PTPRD: variants seen among roughly 807,000 people sequenced by gnomAD.
PTPRD encodes protein tyrosine phosphatase receptor type D, also known as receptor-type tyrosine-protein phosphatase delta.
PTPRD carries 34 observed loss-of-function variants against 214.5 expected under a neutral mutation model. That is an observed-to-expected ratio of 0.16 (90% CI 0.12 to 0.21). The LOEUF is 0.21. Ranked by LOEUF, PTPRD falls within the 10% of genes least tolerant of loss-of-function variation. PTPRD has a pLI of 1.00. For synonymous variants in PTPRD, 1,128 were observed against 845.7 expected (o/e 1.33, Z -5.79); for missense variants, 2,545 against 2,398.7 (o/e 1.06, Z -1.27).
chr9:8,390,799 G>GAATGC (rs2089262212), intron 36 of PTPRD, among the ~76,000 whole-genome samples: 1 of 152,154 alleles, frequency 6.6e-6, no homozygotes. Flanking sequence ...ATAAGAGAAA[G>GAATGC]AATGCATATT....
At chr9:8,508,587 G>C (rs1378749567) in intron 21 of PTPRD, among the ~76,000 whole-genome samples, 1 of 99,184 alleles carries the variant, frequency 1.0e-5, no homozygotes, top group South Asian at 2.7e-4. Flanking sequence ...AAGAAAAAAA[G>C]AGAACAATAA....
chr9:10,041,518 TTTTTA>T (rs1420073623), intron 3 of PTPRD, among the ~76,000 whole-genome samples: 1 of 151,864 alleles, frequency 6.6e-6, no homozygotes, highest in African/African-American at 2.4e-5. Context: ...TTCAATTTTT[TTTTTA>T]TTTTCTACTG....
intron 11 of PTPRD, among the ~76,000 whole-genome samples, chr9:8,768,735 A>G (rs1418237666): frequency 1.3e-5 from 2 of 152,168 alleles, no homozygotes; most frequent in African/African-American, 4.8e-5. Context: ...TTCCATAAAG[A>G]TATAGTCCAA....
chr9:9,506,473 A>T (rs369871677), intron 8 of PTPRD, among the ~76,000 whole-genome samples: 4 of 151,518 alleles, frequency 2.6e-5, no homozygotes, highest in African/African-American at 9.6e-5. Flanking sequence ...TTGTCCTTCC[A>T]GATTTATGAT....
intron 8 of PTPRD, among the ~76,000 whole-genome samples, chr9:9,461,796 T>C (rs1209216940): frequency 6.6e-6 from 1 of 152,140 alleles, no homozygotes; most frequent in Non-Finnish European, 1.5e-5. Context: ...AAACAGTAAA[T>C]GAACTGTGCA....
At chr9:9,032,547 G>T (rs1044898473) in intron 10 of PTPRD, among the ~76,000 whole-genome samples, 1 of 152,006 alleles carries the variant, frequency 6.6e-6, no homozygotes, top group Non-Finnish European at 1.5e-5. Context: ...CCCAAGGACT[G>T]CAGGCAATGT....
intron 3 of PTPRD, among the ~76,000 whole-genome samples, chr9:10,082,216 C>G (rs114943346): frequency 0.013 from 1,920 of 152,104 alleles, 31 homozygotes; most frequent in African/African-American, 0.044. Flanking sequence ...GAATAATAAA[C>G]GTTAAAGGAT....
chr9:10,611,344 A>C (rs2080915313), intron 2 of PTPRD, among the ~76,000 whole-genome samples: 1 of 152,162 alleles, frequency 6.6e-6, no homozygotes, highest in Non-Finnish European at 1.5e-5. Context: ...TTCAGAATCC[A>C]TTTGGCAGTG....
chr9:8,404,540 C>T lies in PTPRD; in HGVS notation c.4207G>A (p.Glu1403Lys). ...AGTGATGTCTGCATTTCCTTACCTTCTATAGCTGATAGGAGAACCCGGGAA... is the reference window on the plus strand; with the variant it reads ...AGTGATGTCTGCATTTCCTTACCTTTTATAGCTGATAGGAGAACCCGGGAA... ...DHSRVLLSAI[E>K]GIPGSDYVNA... Residue 1403 changes from glutamate to lysine, a missense_variant, in exon 36 of 46, where the codon GAA becomes AAA. By Grantham distance (56) the Glu-to-Lys change is moderately conservative. Coordinates refer to ENST00000381196, the MANE Select transcript of PTPRD (RefSeq NM_002839.4). 1.9e-6 allele frequency: 3 copies of T among 1,611,830 alleles called. No individual in the cohort carries two copies. The highest frequency in any genetic ancestry group is 2.5e-6 in the Non-Finnish European group (3 of 1,178,276).
intron 14 of PTPRD, among the ~76,000 whole-genome samples, chr9:8,614,860 A>T (rs921329794): frequency 6.6e-6 from 1 of 152,090 alleles, no homozygotes; most frequent in South Asian, 2.1e-4. Context: ...ACAAAAAGTA[A>T]TCTACATATG....
intron 5 of PTPRD, among the ~76,000 whole-genome samples, chr9:9,872,118 T>C (rs888520909): frequency 6.6e-6 from 1 of 152,120 alleles, no homozygotes; most frequent in Admixed American, 6.6e-5. Context: ...ATCAGTTTCA[T>C]CTTGCACTTA....
At chr9:8,331,461 AGTTTTGT>A (rs1840976497) in intron 44 of PTPRD, 114 bp downstream of exon 44, 1 of 1,118,998 alleles carries the variant, frequency 8.9e-7, no homozygotes, top group Admixed American at 2.6e-5. Context: ...TCCTGCTTTA[AGTTTTGT>A]AATACATTGC....
chr9:10,024,049 T>C (rs2096874599), intron 4 of PTPRD, among the ~76,000 whole-genome samples: 1 of 152,190 alleles, frequency 6.6e-6, no homozygotes, highest in South Asian at 2.1e-4. Context: ...TAACACTAGA[T>C]ATATTTTCAA....
chr9:10,564,216 T>G lies in PTPRD; in HGVS notation c.-600+48182A>C, dbSNP rs150978764. The stretch of plus-strand genomic sequence containing the variant: ...TTTTTGAGACATAGGGGTTTCCCTG[T>G]TCTGCCTAGGCTTGTCTGGAATTCC... On this transcript the variant is annotated intron_variant, in intron 2 of 45. Coordinates refer to ENST00000381196, the MANE Select transcript of PTPRD (RefSeq NM_002839.4). Among the ~76,000 whole-genome samples the G allele has an allele frequency of 1.7e-3, 213 of 124,830 alleles. 4 individuals carry two copies. Among genetic ancestry groups the G allele is most frequent in the African/African-American group, 6.0e-3 (206 of 34,134 alleles). 81.9% of individuals were successfully genotyped at this position (124,830 alleles called of 152,430 possible).
chr9:8,673,589 T>G (rs1030467346), intron 12 of PTPRD, among the ~76,000 whole-genome samples: 2 of 152,198 alleles, frequency 1.3e-5, no homozygotes, highest in African/African-American at 4.8e-5. Context: ...TTCCTTCTAT[T>G]CCATTTTTAA....
chr9:8,604,645 T>C (rs1472677769), intron 14 of PTPRD, among the ~76,000 whole-genome samples: 2 of 152,096 alleles, frequency 1.3e-5, no homozygotes, highest in African/African-American at 4.8e-5. Context: ...GGACTCAAGC[T>C]AAATCAGATA....
chr9:9,064,865 G>A (rs1363902207), intron 10 of PTPRD, among the ~76,000 whole-genome samples: 5 of 152,186 alleles, frequency 3.3e-5, no homozygotes, highest in African/African-American at 1.2e-4. Context: ...TAGCTTATGG[G>A]TCTAGACAGC....
chr9:10,254,044 G>C (rs1273814730), intron 3 of PTPRD, among the ~76,000 whole-genome samples: 2 of 152,122 alleles, frequency 1.3e-5, no homozygotes, highest in Non-Finnish European at 2.9e-5. Flanking sequence ...TAATCTTAAA[G>C]AAAGCACGTT....
At chr9:9,575,717 C>CAAAAAA (rs757614546) in intron 7 of PTPRD, among the ~76,000 whole-genome samples, 78 of 33,306 alleles carry the variant, frequency 2.3e-3, no homozygotes, top group East Asian at 2.7e-3. Flanking sequence ...AAGACTGTCT[C>CAAAAAA]AAAAAAAAAA....
Sources: allele counts gnomAD v4.1 joint callset (sites outside exome capture counted in the v4.1 genomes callset), GRCh38; gene constraint gnomAD v4.1.1; transcripts MANE v1.5; gene names NCBI Gene and HGNC (gene_info 2026-07-23, HGNC 2026-07-21).